UBN2: variants seen among roughly 807,000 people sequenced by gnomAD.
The protein encoded by UBN2 is ubinuclein-2.
UBN2 carries 35 observed loss-of-function variants against 120.2 expected under a neutral mutation model. The observed-to-expected ratio is 0.29, with a 90% CI of 0.22 to 0.39. The LOEUF is 0.39. Among genes scored for constraint, UBN2 ranks in the 10% least tolerant of loss-of-function variants. The pLI is 1.00. For synonymous variants in UBN2, 661 were observed against 648.7 expected, an observed-to-expected ratio of 1.02 and a Z score of -0.29; for missense variants, 1,693 against 1,663.2, an observed-to-expected ratio of 1.02 and a Z score of -0.31.
intron 6 of UBN2, among the ~76,000 whole-genome samples, chr7:139,261,948 C>CTTTTTTTTTTTTT (rs72000087): frequency 7.6e-6 from 1 of 131,972 alleles, no homozygotes; most frequent in Non-Finnish European, 1.6e-5. Context: ...TTCTTTCTTT[C>CTTTTTTTTTTTTT]TTTTTTTTTT....
rs750960706 is a variant in UBN2, at chr7:139,258,524, T to C, written c.700T>C (p.Tyr234His). ...AGTTCCCGCTTCTCTAACAACAAAA[T>C]ATGGAGGCTTTTATATCAACACTGG... ...ELVPASLTTK[Y>H]GGFYINTGTL... is the part of the protein sequence containing the mutation. Residue 234 changes from tyrosine to histidine, a missense_variant, in exon 4 of 18, where the codon TAT becomes CAT. Tyr to His is a moderately conservative substitution (Grantham distance 83). Coordinates refer to ENST00000473989, the MANE Select transcript of UBN2 (RefSeq NM_173569.4). 3.1e-6 allele frequency: 5 copies of C among 1,601,848 alleles called. No individual in the cohort carries two copies. The South Asian group carries it at 4.5e-5, about 14-fold the overall frequency.
chr7:139,296,082 T>C (rs1585033698), intron 17 of UBN2, among the ~76,000 whole-genome samples: 1 of 152,330 alleles, frequency 6.6e-6, no homozygotes, highest in African/African-American at 2.4e-5. Context: ...AGACAACAAA[T>C]GTTTTTTAAT....
At chr7:139,329,022 G>A in the UBN2 span, among the ~76,000 whole-genome samples, 13 of 152,052 alleles carry the variant, frequency 8.5e-5, no homozygotes, top group South Asian at 2.7e-3. Context: ...GAGATGGGAG[G>A]ATCACTTGAG....
intron 1 of UBN2, among the ~76,000 whole-genome samples, chr7:139,235,373 A>G (rs1252605262): frequency 1.3e-5 from 2 of 151,922 alleles, no homozygotes; most frequent in Non-Finnish European, 2.9e-5. Context: ...TATGTTTTTC[A>G]TTGGTAAATT....
intron 17 of UBN2, among the ~76,000 whole-genome samples, 187 bp from the exon 18 acceptor site, chr7:139,297,595 TGTTGA>T (rs2131075716): frequency 6.6e-6 from 1 of 152,330 alleles, no homozygotes; most frequent in East Asian, 1.9e-4. Flanking sequence ...GGATCATTGT[TGTTGA>T]GTTTTTATCT....
chr7:139,234,441 TTAA>T (rs760167554), intron 1 of UBN2, among the ~76,000 whole-genome samples: 1 of 152,206 alleles, frequency 6.6e-6, no homozygotes, highest in Non-Finnish European at 1.5e-5. Context: ...TCTATTTGTA[TTAA>T]TGAGGAAAGC....
chr7:139,244,620 A>G (rs1271873218), intron 2 of UBN2, among the ~76,000 whole-genome samples: 1 of 152,040 alleles, frequency 6.6e-6, no homozygotes, highest in Non-Finnish European at 1.5e-5. Context: ...TTCCAGTTCT[A>G]TCCCTTCTCT....
the UBN2 span, among the ~76,000 whole-genome samples, chr7:139,314,554 C>T: frequency 6.6e-5 from 10 of 152,092 alleles, no homozygotes; most frequent in Non-Finnish European, 1.3e-4. Flanking sequence ...GGTCTGATCT[C>T]GGCTCACTGC....
chr7:139,260,709 A>G (rs2130981031), intron 5 of UBN2, among the ~76,000 whole-genome samples: 1 of 152,292 alleles, frequency 6.6e-6, no homozygotes, highest in Admixed American at 6.5e-5. Context: ...AAATGTGTAT[A>G]TTACTAATGG....
At position 139,304,706 on chromosome 7, in the gene UBN2, GGTGTGT is replaced by G. The variant is rs370546913; in HGVS notation, c.*6899_*6904del. The G allele has an allele frequency of 1.1e-4, 16 of 140,388 alleles. No homozygotes were observed. Among genetic ancestry groups the G allele is most frequent in the Admixed American group, 2.9e-4 (4 of 14,014 alleles). 8.7% of individuals were successfully genotyped at this position (140,388 alleles called of 1,614,324 possible). A position where few individuals can be genotyped will look rare whatever the true frequency, so the allele number is the denominator to read the frequency against. ...AGGTCCACTGAATCTCTAATGATAGGGTGTGTGTGTGTGTGTGTGTGTGTGTGTGTG... is the reference window on the plus strand; with the variant it reads ...AGGTCCACTGAATCTCTAATGATAGGGTGTGTGTGTGTGTGTGTGTGTGTG... On this transcript the variant is annotated 3_prime_UTR_variant, in exon 18 of 18. Coordinates refer to ENST00000473989, the MANE Select transcript of UBN2 (RefSeq NM_173569.4).
intron 6 of UBN2, among the ~76,000 whole-genome samples, chr7:139,265,921 T>C (rs1797083948): frequency 6.6e-6 from 1 of 152,210 alleles, no homozygotes; most frequent in Non-Finnish European, 1.5e-5. Context: ...ATTTCTCTTT[T>C]TTCAAGCCAA....
intron 3 of UBN2, among the ~76,000 whole-genome samples, chr7:139,253,368 T>G (rs1421496562): frequency 6.6e-6 from 1 of 152,216 alleles, no homozygotes; most frequent in Non-Finnish European, 1.5e-5. Context: ...AATTTATTGG[T>G]CAAAGGGCAT....
At chr7:139,247,886 T>A (rs936200950) in intron 2 of UBN2, among the ~76,000 whole-genome samples, 1 of 152,210 alleles carries the variant, frequency 6.6e-6, no homozygotes, top group African/African-American at 2.4e-5. Context: ...GAAACCTTGA[T>A]GAGGTCCTCT....
At position 139,258,483 on chromosome 7, in the gene UBN2, T is replaced by C. The variant is rs1197865673; in HGVS notation, c.664-5T>C. On this transcript the variant is annotated splice_region_variant and splice_polypyrimidine_tract_variant and intron_variant, in intron 3 of 17. Transcript: ENST00000473989. The stretch of plus-strand genomic sequence containing the variant: ...TAGCGGAAACTTTTTTGTTTTTTAA[T>C]CTAGTATGATGAATTAGTTCCCGCT... The C allele has an allele frequency of 6.4e-7, 1 of 1,557,154 alleles. No individual in the cohort carries two copies. Among genetic ancestry groups the C allele is most frequent in the Non-Finnish European group, 8.7e-7 (1 of 1,149,776 alleles).
the UBN2 span, among the ~76,000 whole-genome samples, chr7:139,329,113 G>A: frequency 6.6e-6 from 1 of 151,424 alleles, no homozygotes; most frequent in African/African-American, 2.4e-5. Flanking sequence ...TCAAGGCCAA[G>A]GACAGAAATT....
rs766483908 is a variant in UBN2 at position 139,258,544 on chromosome 7, C to T, written c.720C>T (p.Asn240=). The stretch of plus-strand genomic sequence containing the variant: ...CAAAATATGGAGGCTTTTATATCAA[C>T]ACTGGCACTCTACAGTTTCGCCAAG... ...LTTKYGGFYI[N]TGTLQFRQAS... is the part of the protein sequence containing the mutation. Residue 240 remains asparagine (N), a synonymous_variant, in exon 4 of 18, where the codon AAC becomes AAT. Coordinates refer to ENST00000473989, the MANE Select transcript of UBN2 (RefSeq NM_173569.4). 6 of 1,605,800 alleles carry T rather than the reference C, an allele frequency of 3.7e-6. No homozygotes were observed. Among genetic ancestry groups the T allele is most frequent in the Admixed American group, 3.4e-5 (2 of 59,510 alleles).
intron 2 of UBN2, among the ~76,000 whole-genome samples, chr7:139,238,604 A>G (rs1796226320): frequency 6.6e-6 from 1 of 151,954 alleles, no homozygotes; most frequent in Non-Finnish European, 1.5e-5. Flanking sequence ...TTGTATTTTT[A>G]GTAGAGATGG....
At position 139,308,041 on chromosome 7, in the gene UBN2, T is replaced by C. The variant is rs577906418; in HGVS notation, c.*10205T>C. The C allele has an allele frequency of 2.7e-5, 4 of 148,102 alleles. No homozygotes were observed. 9.2% of individuals were successfully genotyped at this position (148,102 alleles called of 1,614,324 possible). On this transcript the variant is annotated 3_prime_UTR_variant, in exon 18 of 18. Transcript: ENST00000473989. ...GATTTTTGTGTTTTTTTTTTTTTTT[T>C]AATTTTTTTGCAACAGCCTTGCTCA...
At chr7:139,235,381 A>G (rs1303616826) in intron 1 of UBN2, among the ~76,000 whole-genome samples, 1 of 151,814 alleles carries the variant, frequency 6.6e-6, no homozygotes, top group Admixed American at 6.6e-5. Context: ...TCATTGGTAA[A>G]TTTTTATTTT....
Sources: allele counts gnomAD v4.1 joint callset (sites outside exome capture counted in the v4.1 genomes callset), GRCh38; gene constraint gnomAD v4.1.1; transcripts MANE v1.5; gene names NCBI Gene and HGNC (gene_info 2026-07-23, HGNC 2026-07-21).